GALNT9: variants seen among roughly 807,000 people sequenced by gnomAD.
GALNT9 encodes the protein GalNAc transferase 9.
A neutral mutation model predicts 63.1 loss-of-function variants in GALNT9; 47 were observed. The ratio of observed to expected loss-of-function variants is 0.75; its 90% CI spans 0.59 to 0.95. The LOEUF is 0.95. GALNT9 is among the 40% of genes least tolerant of loss of function. The probability of loss-of-function intolerance (pLI) is 0.00; values close to 1 mark genes in which losing one functional copy is unlikely to be tolerated. For synonymous variants in GALNT9, 396 were observed against 365.7 expected (o/e 1.08, Z -0.94); for missense variants, 829 against 874.8 (o/e 0.95, Z 0.66).
chr12:132,197,967 C>G lies in GALNT9; in HGVS notation c.1498-8G>C, dbSNP rs1263042089. 20 of 1,602,950 alleles carry G rather than the reference C, an allele frequency of 1.2e-5. No individual in the cohort carries two copies. In the Admixed American group the frequency reaches 3.4e-4, roughly 27 times the overall value. On this transcript the variant is annotated splice_polypyrimidine_tract_variant and splice_region_variant and intron_variant, in intron 9 of 10. Transcript: ENST00000328957. ...AGCGCTGTACCGCACCAGCTGGGGACAGGACCACCGGGACTGTGTGTGAGC... is the reference window on the plus strand; with the variant it reads ...AGCGCTGTACCGCACCAGCTGGGGAGAGGACCACCGGGACTGTGTGTGAGC...
intron 6 of GALNT9, chr12:132,240,734 A>G (rs1555236935): frequency 4.4e-6 from 2 of 455,710 alleles, no homozygotes; most frequent in Non-Finnish European, 8.8e-6. Flanking sequence ...GTTTCCTGGG[A>G]AGTTACCAGA....
At chr12:132,290,440 A>T (rs1880765007) in intron 1 of GALNT9, among the ~76,000 whole-genome samples, 1 of 152,138 alleles carries the variant, frequency 6.6e-6, no homozygotes, top group Non-Finnish European at 1.5e-5. Context: ...TTGCCACCCA[A>T]CAGGCTGTTC....
At position 132,286,433 on chromosome 12, in the gene GALNT9, G is replaced by A. The variant is rs1000353948; in HGVS notation, c.239-3C>T. 37 of 1,548,048 alleles carry A rather than the reference G, an allele frequency of 2.4e-5. No homozygotes were observed. The highest frequency in any genetic ancestry group is 3.1e-5 in the Non-Finnish European group (36 of 1,145,922). On this transcript the variant is annotated splice_polypyrimidine_tract_variant and splice_region_variant and intron_variant, in intron 1 of 10. Coordinates refer to ENST00000328957, the MANE Select transcript of GALNT9 (RefSeq NM_001122636.2). This position sits in a 1 kb window ranked among gnomAD's most constrained non-coding sequence, Gnocchi z 7.4. ...CAGGCCGATGGGCTTGGCAAGGCCTGGGGGAAAGGAAGAGAGGGAGGTCAG... is the reference window on the plus strand; with the variant it reads ...CAGGCCGATGGGCTTGGCAAGGCCTAGGGGAAAGGAAGAGAGGGAGGTCAG...
chr12:132,251,233 A>G (rs1004822165), intron 5 of GALNT9, among the ~76,000 whole-genome samples: 2 of 152,236 alleles, frequency 1.3e-5, no homozygotes, highest in Non-Finnish European at 2.9e-5. Context: ...CGATCGATAC[A>G]ATTTTAACTT....
chr12:132,219,557 G>A (rs530440911), intron 6 of GALNT9, among the ~76,000 whole-genome samples: 1 of 152,180 alleles, frequency 6.6e-6, no homozygotes, highest in Non-Finnish European at 1.5e-5. Flanking sequence ...GGGTGGGGAC[G>A]AGCTCAATGA....
chr12:132,283,542 C>T (rs1226390041), intron 2 of GALNT9: 1 of 152,312 alleles, frequency 6.6e-6, no homozygotes, highest in African/African-American at 2.4e-5. Flanking sequence ...GCCTTGGCAG[C>T]CCCAGCTGGT....
At chr12:132,268,558 C>A (rs1879743481) in intron 2 of GALNT9, among the ~76,000 whole-genome samples, 1 of 152,210 alleles carries the variant, frequency 6.6e-6, no homozygotes, top group Admixed American at 6.5e-5. Context: ...TGGACTTTAT[C>A]AAAATAAAAA....
chr12:132,205,395 T>A (rs1334365066), intron 6 of GALNT9: 1 of 151,832 alleles, frequency 6.6e-6, no homozygotes, highest in Non-Finnish European at 1.5e-5. Context: ...GCAGGACAGA[T>A]CCAGAGTCCG....
At chr12:132,269,627 A>G (rs1593095879) in intron 2 of GALNT9, among the ~76,000 whole-genome samples, 1 of 152,208 alleles carries the variant, frequency 6.6e-6, no homozygotes, top group Admixed American at 6.5e-5. Context: ...CTCAAATACC[A>G]GAAGTGACCG....
Position 132,329,375 on chromosome 12 carries a change from C to T in GALNT9, c.-172G>A, listed in dbSNP as rs570601816. 227 of 1,000,538 alleles carry T rather than the reference C, an allele frequency of 2.3e-4. No individual in the cohort carries two copies. In the African/African-American group the frequency reaches 3.6e-3, roughly 16 times the overall value. The allele number at this position is 1,000,538 out of a possible 1,614,324, so 62.0% of individuals were successfully genotyped here. A position where few individuals can be genotyped will look rare whatever the true frequency, so the allele number is the denominator to read the frequency against. ...GCTCAGCGCGCCGGGCCACGGCCGC[C>T]GGGGGTCCCCCAGAGCGCAGAGGGC... is the stretch of plus-strand genomic sequence containing the variant. On this transcript the variant is annotated 5_prime_UTR_variant, in exon 1 of 11. Coordinates refer to ENST00000328957, the MANE Select transcript of GALNT9 (RefSeq NM_001122636.2).
intron 3 of GALNT9, among the ~76,000 whole-genome samples, chr12:132,261,602 C>T (rs1302259566): frequency 6.6e-6 from 1 of 152,234 alleles, no homozygotes; most frequent in Admixed American, 6.5e-5. Context: ...GGCAGCCACG[C>T]CATTCAGTCC....
chr12:132,285,431 C>T (rs1880550176), intron 2 of GALNT9, among the ~76,000 whole-genome samples: 1 of 152,278 alleles, frequency 6.6e-6, no homozygotes, highest in South Asian at 2.1e-4. Context: ...TAATCTGGCG[C>T]TTGTCGCGGC....
chr12:132,309,934 G>A (rs1470534543), intron 1 of GALNT9, among the ~76,000 whole-genome samples: 2 of 152,256 alleles, frequency 1.3e-5, no homozygotes, highest in Non-Finnish European at 2.9e-5. Context: ...GCGGGCGCAG[G>A]TGAAACCCCG....
intron 5 of GALNT9, among the ~76,000 whole-genome samples, chr12:132,256,302 C>T (rs887357951): frequency 2.0e-5 from 3 of 151,808 alleles, no homozygotes; most frequent in African/African-American, 7.3e-5. Flanking sequence ...ACACTCTCTT[C>T]CATGTGTGGC....
Position 132,286,314 on chromosome 12 carries a change from A to C in GALNT9, c.355T>G (p.Tyr119Asp). 6.4e-7 allele frequency: 1 copy of C among 1,551,264 alleles called. No individual in the cohort carries two copies. Among genetic ancestry groups the C allele is most frequent in the Non-Finnish European group, 8.7e-7 (1 of 1,146,886 alleles). ...EAEGKYEEYG[Y>D]NAQLSDRISL... ...ATGCGGTCGCTGAGCTGAGCGTTGT[A>C]GCCGTACTCCTCATACTTGCCTTCC... Residue 119 changes from tyrosine to aspartate, a missense_variant, in exon 2 of 11, where the codon TAC becomes GAC. By Grantham distance (160) the Tyr-to-Asp change is radical (BLOSUM62 -3). Transcript: ENST00000328957. The surrounding 1 kb of genome is among the most constrained non-coding windows in gnomAD (Gnocchi z 7.4).
chr12:132,211,017 G>A (rs540974077), intron 6 of GALNT9, among the ~76,000 whole-genome samples: 2 of 152,234 alleles, frequency 1.3e-5, no homozygotes, highest in South Asian at 2.1e-4. Context: ...CAAAAATCGC[G>A]GTGCCTGCCG....
intron 6 of GALNT9, among the ~76,000 whole-genome samples, chr12:132,213,598 C>T (rs1178078891): frequency 2.6e-5 from 4 of 152,152 alleles, no homozygotes; most frequent in African/African-American, 7.2e-5. Flanking sequence ...GTCACACACA[C>T]ACACTCACAC....
rs1275521363 is a variant in GALNT9 at position 132,236,307 on chromosome 12, G to A, written c.1077+11603C>T. Among the ~76,000 whole-genome samples the A allele has an allele frequency of 1.3e-5, 2 of 151,002 alleles. No individual in the cohort carries two copies. Among genetic ancestry groups the A allele is most frequent in the East Asian group, 2.0e-4 (1 of 5,080 alleles). On this transcript the variant is annotated intron_variant, in intron 6 of 10. Coordinates refer to ENST00000328957, the MANE Select transcript of GALNT9 (RefSeq NM_001122636.2). The surrounding 1 kb of genome is among the most constrained non-coding windows in gnomAD (Gnocchi z 5.6). ...GGGCCATGGCCCTGGAGTGGGGGTC[G>A]CGGTGGGCCTGGGTCGGGGCCAAGG...
At chr12:132,268,858 CGT>C (rs1879756286) in intron 2 of GALNT9, among the ~76,000 whole-genome samples, 1 of 152,236 alleles carries the variant, frequency 6.6e-6, no homozygotes, top group Non-Finnish European at 1.5e-5. Context: ...GAAAGGCTGA[CGT>C]GCAGCCGACG....
Sources: gnomAD v4.1 joint callset for allele counts (sites outside exome capture counted in the v4.1 genomes callset) on GRCh38, gnomAD v4.1.1 for gene constraint, Gnocchi (gnomAD v3.1) non-coding constraint, MANE v1.5 for transcripts, NCBI Gene and HGNC (gene_info 2026-07-23, HGNC 2026-07-21) for gene names.